ITGAV: variants seen among roughly 807,000 people sequenced by gnomAD.
ITGAV encodes integrin subunit alpha V, also known as integrin alpha-V.
ITGAV carries 76 observed loss-of-function variants against 143.8 expected under a neutral mutation model. The ratio of observed to expected loss-of-function variants is 0.53; its 90% CI spans 0.44 to 0.64. The LOEUF (loss-of-function observed/expected upper bound fraction) is 0.64, where lower values mean the gene tolerates loss of function less well. Ranked by LOEUF, ITGAV falls within the 30% of genes least tolerant of loss-of-function variation. ITGAV has a pLI of 0.00. For synonymous variants in ITGAV, 453 were observed against 446.7 expected (o/e 1.01, Z -0.18); for missense variants, 1,193 against 1,274.7 (o/e 0.94, Z 0.98).
At chr2:186,665,554 C>T (rs1484275248) in intron 21 of ITGAV, among the ~76,000 whole-genome samples, 1 of 152,134 alleles carries the variant, frequency 6.6e-6, no homozygotes, top group Non-Finnish European at 1.5e-5. Context: ...ACTCTGGCAA[C>T]TACCAAGACT....
Position 186,668,904 on chromosome 2 carries a change from A to AT in ITGAV, c.2576_2577insT (p.Leu861PhefsTer4). ...AACTGCACTTCAGATATGGAGATCAACCCTTTGAGAATTAAGGTAATATGC... is the reference window on the plus strand; with the variant it reads ...AACTGCACTTCAGATATGGAGATCAATCCCTTTGAGAATTAAGGTAATATGC... On this transcript the variant is annotated frameshift_variant, in exon 25 of 30. Transcript: ENST00000261023. LOFTEE classifies it high-confidence loss of function. 1.9e-6 allele frequency: 3 copies of AT among 1,608,600 alleles called. No individual in the cohort carries two copies. Among genetic ancestry groups the AT allele is most frequent in the Non-Finnish European group, 2.5e-6 (3 of 1,177,906 alleles).
Position 186,656,443 on chromosome 2 carries a change from T to C in ITGAV, c.1719+42T>C, listed in dbSNP as rs774038223. ...CTGCTACCTTGTTGTTCCTTTTTAGTCATTAGTTTTTTATCTAAATGATTT... is the reference window on the plus strand; with the variant it reads ...CTGCTACCTTGTTGTTCCTTTTTAGCCATTAGTTTTTTATCTAAATGATTT... On this transcript the variant is annotated intron_variant, in intron 17 of 29. Coordinates refer to ENST00000261023, the MANE Select transcript of ITGAV (RefSeq NM_002210.5). 9 of 1,368,774 alleles carry C rather than the reference T, an allele frequency of 6.6e-6. No homozygotes were observed. In the South Asian group the frequency reaches 1.2e-4, roughly 18 times the overall value. 84.8% of individuals were successfully genotyped at this position (1,368,774 alleles called of 1,614,324 possible). A position where few individuals can be genotyped will look rare whatever the true frequency, so the allele number is the denominator to read the frequency against.
At position 186,641,530 on chromosome 2, in the gene ITGAV, T is replaced by C. The variant is rs201824820; in HGVS notation, c.1101T>C (p.Phe367=). ...QTTKLNGFEV[F]ARFGSAIAPL... is the part of the protein sequence containing the mutation. ...CAAAGCTGAATGGATTTGAGGTCTT[T>C]GCACGGTTTGGCAGTGCCATAGCTC... Residue 367 remains phenylalanine (F), a synonymous_variant, in exon 12 of 30, where the codon TTT becomes TTC. Coordinates refer to ENST00000261023, the MANE Select transcript of ITGAV (RefSeq NM_002210.5). The C allele has an allele frequency of 5.0e-6, 8 of 1,614,082 alleles. No individual in the cohort carries two copies. The highest frequency in any genetic ancestry group is 1.6e-4 in the Middle Eastern group (1 of 6,084).
intron 6 of ITGAV, among the ~76,000 whole-genome samples, chr2:186,634,848 A>G (rs991540218): frequency 2.0e-5 from 3 of 152,170 alleles, no homozygotes; most frequent in Non-Finnish European, 4.4e-5. Flanking sequence ...ATTGCTGATT[A>G]TGTCATTCAG....
At chr2:186,647,717 T>C (rs1433542889) in intron 13 of ITGAV, among the ~76,000 whole-genome samples, 1 of 152,196 alleles carries the variant, frequency 6.6e-6, no homozygotes, top group Admixed American at 6.5e-5. Context: ...GCAAGACCTT[T>C]TTCTGGTTCT....
At position 186,666,730 on chromosome 2, in the gene ITGAV, G is replaced by T; in HGVS notation, c.2193G>T (p.Val731=). ...TQLLAGLRFS[V]HQQSEMDTSV... is the part of the protein sequence containing the mutation. ...TCTTAGCTGGTCTTCGTTTCAGTGTGCACCAGCAGTCAGAGATGGATACTT... is the reference window on the plus strand; with the variant it reads ...TCTTAGCTGGTCTTCGTTTCAGTGTTCACCAGCAGTCAGAGATGGATACTT... Residue 731 remains valine (V), a synonymous_variant, in exon 22 of 30, where the codon GTG becomes GTT. Coordinates refer to ENST00000261023, the MANE Select transcript of ITGAV (RefSeq NM_002210.5). 6.3e-7 allele frequency: 1 copy of T among 1,584,662 alleles called. No individual in the cohort carries two copies.
At chr2:186,643,219 C>G (rs567595200) in intron 12 of ITGAV, among the ~76,000 whole-genome samples, 2 of 152,262 alleles carry the variant, frequency 1.3e-5, no homozygotes, top group South Asian at 2.1e-4. Context: ...TCTCTTCCAG[C>G]TTTCTAAGTT....
At chr2:186,621,918 T>A (rs61763628) in intron 2 of ITGAV, among the ~76,000 whole-genome samples, 642 of 152,334 alleles carry the variant, frequency 4.2e-3, no homozygotes, top group African/African-American at 0.015. Context: ...GGCACACGTC[T>A]CAGTCTTGTC....
At position 186,679,302 on chromosome 2, in the gene ITGAV, T is replaced by A. The variant is rs1295075735; in HGVS notation, c.*2010T>A. 6.6e-6 allele frequency: 1 copy of A among 152,034 alleles called. No homozygotes were observed. The highest frequency in any genetic ancestry group is 1.5e-5 in the Non-Finnish European group (1 of 67,886). The allele number at this position is 152,034 out of a possible 1,614,324, so 9.4% of individuals were successfully genotyped here. On this transcript the variant is annotated 3_prime_UTR_variant, in exon 30 of 30. Coordinates refer to ENST00000261023, the MANE Select transcript of ITGAV (RefSeq NM_002210.5). ...CCATCTATTCCTTTTATGGCATCTA[T>A]CTTGAAAGTAATCTTGTATTGGAGA...
chr2:186,595,421 C>G (rs560987294), intron 1 of ITGAV, among the ~76,000 whole-genome samples: 15 of 152,200 alleles, frequency 9.9e-5, no homozygotes, highest in Non-Finnish European at 2.1e-4. Flanking sequence ...AGGCCATCCT[C>G]CTGATTGGTT....
intron 7 of ITGAV, 107 bp downstream of exon 7, chr2:186,636,314 T>C (rs1687945271): frequency 2.2e-6 from 2 of 899,114 alleles, no homozygotes. Context: ...TAGATTAGGA[T>C]TTTTTGAAAC....
At chr2:186,655,751 C>T (rs374912134) in intron 16 of ITGAV, among the ~76,000 whole-genome samples, 4 of 152,320 alleles carry the variant, frequency 2.6e-5, no homozygotes, top group South Asian at 4.1e-4. Flanking sequence ...GCATATTCAT[C>T]TGACAGTTTG....
intron 5 of ITGAV, 134 bp from the exon 6 acceptor site, chr2:186,633,195 G>T: frequency 1.2e-5 from 4 of 347,762 alleles, no homozygotes; most frequent in Non-Finnish European, 1.5e-5. Context: ...ACCTGGTAAT[G>T]ATATAAAGAT....
intron 18 of ITGAV, among the ~76,000 whole-genome samples, chr2:186,661,159 T>C (rs951516492): frequency 1.5e-4 from 23 of 152,178 alleles, no homozygotes; most frequent in Non-Finnish European, 2.4e-4. Context: ...CATTCTGTTT[T>C]TTACTGTCTT....
chr2:186,641,387 T>A lies in ITGAV; in HGVS notation c.958T>A (p.Tyr320Asn), dbSNP rs775824713. 2.5e-6 allele frequency: 4 copies of A among 1,612,946 alleles called. No homozygotes were observed. The South Asian group carries it at 4.4e-5, about 18-fold the overall frequency. Residue 320 changes from tyrosine to asparagine, a missense_variant and splice_region_variant, in exon 12 of 30, where the codon TAT becomes AAT. Coordinates refer to ENST00000261023, the MANE Select transcript of ITGAV (RefSeq NM_002210.5). Reference protein sequence around the residue: ...VAATDINGDDYADVFIGAPLF... With the variant: ...VAATDINGDDNADVFIGAPLF... The stretch of plus-strand genomic sequence containing the variant: ...GGTGAGAAGTTTCTGTTCTTCTAGT[T>A]ATGCAGATGTGTTTATTGGAGCACC...
At chr2:186,634,253 C>T (rs1687895138) in intron 6 of ITGAV, among the ~76,000 whole-genome samples, 1 of 149,954 alleles carries the variant, frequency 6.7e-6, no homozygotes, top group African/African-American at 2.4e-5. Flanking sequence ...ATTAGAGATA[C>T]ACAATTATTT....
At chr2:186,651,896 T>C (rs1448294291) in intron 14 of ITGAV, 86 bp from the exon 15 acceptor site, 6 of 696,704 alleles carry the variant, frequency 8.6e-6, no homozygotes, top group Non-Finnish European at 1.5e-5. Flanking sequence ...GTACTATATA[T>C]GTAGTGAATA....
At chr2:186,624,254 C>T (rs1012308217) in intron 3 of ITGAV, among the ~76,000 whole-genome samples, 3 of 152,168 alleles carry the variant, frequency 2.0e-5, no homozygotes, top group Admixed American at 6.5e-5. Context: ...ACTCAGATTT[C>T]AGAGACTGCT....
At chr2:186,625,368 T>A in intron 3 of ITGAV, 105 bp from the exon 4 acceptor site, 1 of 687,122 alleles carries the variant, frequency 1.5e-6, no homozygotes, top group Non-Finnish European at 2.6e-6. Context: ...TGAGACCCCA[T>A]CTCAAAAAAG....
Sources: gnomAD v4.1 joint callset for allele counts (sites outside exome capture counted in the v4.1 genomes callset) on GRCh38, gnomAD v4.1.1 for gene constraint, MANE v1.5 for transcripts, NCBI Gene and HGNC (gene_info 2026-07-23, HGNC 2026-07-21) for gene names.